The following ZNF608 variants were observed in gnomAD, a reference collection of about 807,000 sequenced individuals.
ZNF608 encodes zinc finger protein 608, also known as renal carcinoma antigen NY-REN-36.
Under a neutral mutation model 109.0 loss-of-function variants are expected in ZNF608, and 12 were observed. That is an observed-to-expected ratio of 0.11 (90% confidence interval 0.07 to 0.18). The LOEUF (loss-of-function observed/expected upper bound fraction) is 0.18, where lower values mean the gene tolerates loss of function less well. ZNF608 is among the 10% of genes least tolerant of loss of function. ZNF608 has a pLI of 1.00. For missense variants in ZNF608, 1,707 were observed against 1,879.3 expected (o/e 0.91, Z 1.70); for synonymous variants, 732 against 717.4 (o/e 1.02, Z -0.33).
chr5:124,678,947 G>A (rs1003726855), intron 3 of ZNF608, among the ~76,000 whole-genome samples: 12 of 152,136 alleles, frequency 7.9e-5, no homozygotes, highest in African/African-American at 2.2e-4. Flanking sequence ...TAAACACCCC[G>A]GCCTTTCTTA....
At position 124,739,853 on chromosome 5, in the gene ZNF608, C is replaced by A. The variant is rs943182468; in HGVS notation, c.906+4231G>T. Among the ~76,000 whole-genome samples the A allele has an allele frequency of 5.9e-5, 9 of 152,220 alleles. No individual in the cohort carries two copies. The South Asian group carries it at 1.9e-3, about 32-fold the overall frequency. ...AACAGATGGTACTTTCCATGTTGTT[C>A]GAATCTGGTTATTGAACACCTCTGT... On this transcript the variant is annotated intron_variant, in intron 2 of 9. Coordinates refer to ENST00000513986, the MANE Select transcript of ZNF608 (RefSeq NM_020747.3).
chr5:124,726,000 C>G (rs1162326282), intron 2 of ZNF608, among the ~76,000 whole-genome samples: 1 of 152,168 alleles, frequency 6.6e-6, no homozygotes, highest in Non-Finnish European at 1.5e-5. Flanking sequence ...TCCAAGCACT[C>G]TAATCAAACT....
At chr5:124,668,693 C>T (rs181417272) in intron 3 of ZNF608, among the ~76,000 whole-genome samples, 12 of 152,296 alleles carry the variant, frequency 7.9e-5, no homozygotes, top group East Asian at 7.7e-4. Context: ...GTTCCTTTAA[C>T]GCCCATCACA....
chr5:124,721,941 CAAAA>C (rs199699487), intron 2 of ZNF608, among the ~76,000 whole-genome samples: 293 of 20,738 alleles, frequency 0.014, no homozygotes, highest in African/African-American at 0.023. Flanking sequence ...GACTCTGTCT[CAAAA>C]AAAAAAAAAA....
At chr5:124,661,527 C>A (rs953932247) in intron 3 of ZNF608, among the ~76,000 whole-genome samples, 2 of 150,572 alleles carry the variant, frequency 1.3e-5, no homozygotes, top group African/African-American at 4.9e-5. Context: ...ATTTCAATAA[C>A]GTGCTTAGAG....
intron 3 of ZNF608, among the ~76,000 whole-genome samples, chr5:124,681,743 G>T (rs1046573818): frequency 6.6e-6 from 1 of 152,126 alleles, no homozygotes; most frequent in Non-Finnish European, 1.5e-5. Context: ...ACAAGTCCCT[G>T]ACTCTAAAAA....
intron 2 of ZNF608, among the ~76,000 whole-genome samples, chr5:124,740,966 A>G (rs1749369526): frequency 6.6e-6 from 1 of 152,234 alleles, no homozygotes; most frequent in South Asian, 2.1e-4. Flanking sequence ...CTAGGAGGAT[A>G]CATAAAGAAG....
At position 124,744,359 on chromosome 5, in the gene ZNF608, T is replaced by A. The variant is rs773751220; in HGVS notation, c.631A>T (p.Arg211Trp). 1.3e-5 allele frequency: 21 copies of A among 1,614,156 alleles called. 1 individual carries two copies. Among genetic ancestry groups the A allele is most frequent in the Admixed American group, 3.3e-5 (2 of 60,014 alleles). ...TGAAGCAGGTCGTGCTTGTCCTTCC[T>A]GGATTTCCCCGCATCCTTATCCCGC... ...AKRDKDAGKSRKDKHDLLQGH... is the reference protein window; with the variant it reads ...AKRDKDAGKSWKDKHDLLQGH... Residue 211 changes from arginine to tryptophan, a missense_variant, in exon 2 of 10, where the codon AGG (arginine) becomes TGG (tryptophan). By Grantham distance (101) the Arg-to-Trp change is moderately radical (BLOSUM62 -3). This residue lies in a region of ZNF608 where 407 missense variants were observed against 398.7 expected (regional missense o/e 1.02). Coordinates refer to ENST00000513986, the MANE Select transcript of ZNF608 (RefSeq NM_020747.3). The surrounding 1 kb of genome is among the most constrained non-coding windows in gnomAD (Gnocchi z 4.5).
At chr5:124,732,856 C>A (rs1334738061) in intron 2 of ZNF608, among the ~76,000 whole-genome samples, 2 of 152,162 alleles carry the variant, frequency 1.3e-5, no homozygotes, top group Non-Finnish European at 2.9e-5. Context: ...GAAGATTCAG[C>A]AAGTCTTCTA....
At position 124,647,846 on chromosome 5, in the gene ZNF608, G is replaced by C; in HGVS notation, c.2538C>G (p.Ser846Arg). The part of the protein sequence containing the change: ...LGKLEDSKGA[S>R]KDLPGHFLKD... The stretch of plus-strand genomic sequence containing the variant: ...TTAAAAAATGCCCAGGTAAATCTTT[G>C]CTGGCCCCCTTGGAGTCCTCTAGTT... The change falls in exon 5 of 10, where the codon AGC becomes AGG. Residue 846 changes from serine (S) to arginine (R), a missense_variant. This residue lies in a region of ZNF608 where 1,073 missense variants were observed against 1,133.5 expected (regional missense o/e 0.95). Coordinates refer to ENST00000513986, the MANE Select transcript of ZNF608 (RefSeq NM_020747.3). The C allele has an allele frequency of 6.2e-7, 1 of 1,614,172 alleles. No individual in the cohort carries two copies. Among genetic ancestry groups the C allele is most frequent in the Non-Finnish European group, 8.5e-7 (1 of 1,180,028 alleles).
chr5:124,747,193 C>T (rs528739184), upstream of ZNF608, among the ~76,000 whole-genome samples: 3 of 149,664 alleles, frequency 2.0e-5, no homozygotes, highest in Admixed American at 2.0e-4. Context: ...TAAGGCGACC[C>T]TTTTCGGGAG....
rs188091798 is a variant in ZNF608, at chr5:124,677,967, T to C, written c.1162+23047A>G. 3.3e-5 allele frequency among the ~76,000 whole-genome samples: 5 copies of C among 152,274 alleles called. No homozygotes were observed. In the East Asian group the frequency reaches 7.8e-4, roughly 24 times the overall value. On this transcript the variant is annotated intron_variant, in intron 3 of 9. Coordinates refer to ENST00000513986, the MANE Select transcript of ZNF608 (RefSeq NM_020747.3). Reference sequence around the variant, plus strand: ...CCAAAGGCGTTCTCATCCTGCTAGATTTTATTAGCCCCAATATATGGTAAT... The same window carrying C: ...CCAAAGGCGTTCTCATCCTGCTAGACTTTATTAGCCCCAATATATGGTAAT...
chr5:124,641,474 C>G, intron 7 of ZNF608, 69 bp from the exon 8 acceptor site: 1 of 1,462,974 alleles, frequency 6.8e-7, no homozygotes, highest in Non-Finnish European at 9.2e-7. Context: ...ACTAAACCAC[C>G]TTTGTCCCTT....
In ZNF608 at chr5:124,637,930, G is replaced by A. The variant is rs779592717; in HGVS notation, c.4533-24C>T. The A allele has an allele frequency of 1.9e-6, 3 of 1,610,980 alleles. No homozygotes were observed. In the African/African-American group the frequency reaches 4.0e-5, roughly 22 times the overall value. ...CTCTGCAAAAGAAAAGCAAACCTTA[G>A]CACACGGTTCTATCAACATTTTGTT... On this transcript the variant is annotated intron_variant, in intron 9 of 9. Transcript: ENST00000513986.
At chr5:124,662,137 A>G (rs1034001135) in intron 3 of ZNF608, among the ~76,000 whole-genome samples, 1 of 152,212 alleles carries the variant, frequency 6.6e-6, no homozygotes, top group Non-Finnish European at 1.5e-5. Flanking sequence ...CCAAATGTTA[A>G]CTGCTAAATA....
intron 3 of ZNF608, among the ~76,000 whole-genome samples, chr5:124,675,063 TAATTAAAAACAAATA>T (rs1432233411): frequency 1.1e-4 from 17 of 152,270 alleles, no homozygotes; most frequent in African/African-American, 3.4e-4. Context: ...ATACAACAAC[TAATTAAAAACAAATA>T]AATTAAAAAC....
At chr5:124,702,560 A>T (rs989761966) in intron 2 of ZNF608, among the ~76,000 whole-genome samples, 1 of 152,000 alleles carries the variant, frequency 6.6e-6, no homozygotes, top group African/African-American at 2.4e-5. Context: ...CATATGAGGA[A>T]GTGTGCTCCT....
chr5:124,647,252 T>C lies in ZNF608; in HGVS notation c.3132A>G (p.Ala1044=), dbSNP rs753701352. Reference sequence around the variant, plus strand: ...CCACTTTCTTAGAATCTAACTGCTCTGCCTTGTCTTTCTTTTCAGCATCTT... The same window carrying C: ...CCACTTTCTTAGAATCTAACTGCTCCGCCTTGTCTTTCTTTTCAGCATCTT... The part of the protein sequence containing the change: ...SEEDAEKKDK[A]EQLDSKKVDH... The change falls in exon 5 of 10, where the codon GCA becomes GCG. Residue 1044 remains alanine (A), a synonymous_variant. Coordinates refer to ENST00000513986, the MANE Select transcript of ZNF608 (RefSeq NM_020747.3). 6.2e-7 allele frequency: 1 copy of C among 1,614,244 alleles called. No homozygotes were observed. Among genetic ancestry groups the C allele is most frequent in the Non-Finnish European group, 8.5e-7 (1 of 1,180,046 alleles).
chr5:124,746,660 C>T (rs1342753204), upstream of ZNF608: 1 of 984,986 alleles, frequency 1.0e-6, no homozygotes, highest in Admixed American at 6.2e-5. Flanking sequence ...GTGCTAACAT[C>T]GGGATAAATT....
Sources: gnomAD v4.1 joint callset for allele counts (sites outside exome capture counted in the v4.1 genomes callset) on GRCh38, gnomAD v4.1.1 for gene constraint, gnomAD v4.1.1 regional missense constraint, Gnocchi (gnomAD v3.1) non-coding constraint, MANE v1.5 for transcripts, NCBI Gene and HGNC (gene_info 2026-07-23, HGNC 2026-07-21) for gene names.